The following NELL1 variants were observed in gnomAD, a reference collection of about 807,000 sequenced individuals.
NELL1 encodes the protein neural EGFL like 1.
A neutral mutation model predicts 107.4 loss-of-function variants in NELL1; 76 were observed. The ratio of observed to expected loss-of-function variants is 0.71; its 90% CI spans 0.59 to 0.86. The LOEUF (loss-of-function observed/expected upper bound fraction) is 0.86, where lower values mean the gene tolerates loss of function less well. NELL1 is among the 40% of genes least tolerant of loss of function. The probability of loss-of-function intolerance (pLI) is 0.00; values close to 1 mark genes in which losing one functional copy is unlikely to be tolerated. For missense variants in NELL1, 1,024 were observed against 1,005.5 expected (o/e 1.02, Z -0.25); for synonymous variants, 353 against 341.2 (o/e 1.03, Z -0.38).
intron 15 of NELL1, among the ~76,000 whole-genome samples, chr11:21,523,331 G>A (rs75495935): frequency 0.034 from 5,236 of 152,130 alleles, 302 homozygotes; most frequent in African/African-American, 0.12. Flanking sequence ...GCCTTTAAGT[G>A]TTTAATAAAT....
At chr11:21,044,344 A>G (rs1425864234) in intron 12 of NELL1, among the ~76,000 whole-genome samples, 2 of 152,194 alleles carry the variant, frequency 1.3e-5, no homozygotes, top group African/African-American at 2.4e-5. Context: ...AGCAGTTTTC[A>G]TAGGAGTGGT....
At chr11:21,226,805 T>A (rs1446707016) in intron 13 of NELL1, among the ~76,000 whole-genome samples, 1 of 152,134 alleles carries the variant, frequency 6.6e-6, no homozygotes, top group African/African-American at 2.4e-5. Flanking sequence ...AGAGAAAAAG[T>A]GTGTAAGCCT....
At chr11:21,052,075 T>C (rs1343767977) in intron 12 of NELL1, among the ~76,000 whole-genome samples, 2 of 151,880 alleles carry the variant, frequency 1.3e-5, no homozygotes, top group East Asian at 1.9e-4. Flanking sequence ...CAGACCTGCA[T>C]AGAGTGAGTG....
intron 2 of NELL1, among the ~76,000 whole-genome samples, chr11:20,680,598 G>A (rs1465518133): frequency 6.6e-6 from 1 of 152,104 alleles, no homozygotes; most frequent in Non-Finnish European, 1.5e-5. Context: ...GAAGGAAATG[G>A]AAAGAAGAAA....
rs189453696 is a variant in NELL1 at position 21,132,942 on chromosome 11, T to C, written c.1426+19228T>C. Among the ~76,000 whole-genome samples, 53 of 152,282 alleles carry C rather than the reference T, an allele frequency of 3.5e-4. No homozygotes were observed. In the East Asian group the frequency reaches 3.5e-3, roughly 10 times the overall value. On this transcript the variant is annotated intron_variant, in intron 13 of 19. Coordinates refer to ENST00000357134, the MANE Select transcript of NELL1 (RefSeq NM_006157.5). ...GTGAGCAAGGTGAAGAGGAGCTTTA[T>C]TGAGTGACAGAACAGCTCTCAGGAG...
intron 13 of NELL1, among the ~76,000 whole-genome samples, chr11:21,134,825 T>C (rs1188936140): frequency 6.6e-6 from 1 of 152,180 alleles, no homozygotes; most frequent in Non-Finnish European, 1.5e-5. Context: ...TATGACTGAA[T>C]AGCATTTCGG....
rs1431850331 is a variant in NELL1 at position 20,783,748 on chromosome 11, A to G, written c.253A>G (p.Ser85Gly). The change falls in exon 3 of 20, where the codon AGT becomes GGT. Residue 85 changes from serine (S) to glycine (G), a missense_variant. Physicochemically the swap from Ser to Gly is moderately conservative, Grantham distance 56. Coordinates refer to ENST00000357134, the MANE Select transcript of NELL1 (RefSeq NM_006157.5). ...EKLIQLFRNK[S>G]EFTILATVQQ... Reference sequence around the variant, plus strand: ...ATTAATTCAGCTGTTCCGGAACAAGAGTGAATTCACCATTTTGGCCACTGT... The same window carrying G: ...ATTAATTCAGCTGTTCCGGAACAAGGGTGAATTCACCATTTTGGCCACTGT... The G allele has an allele frequency of 6.2e-7, 1 of 1,613,860 alleles. No homozygotes were observed. Among genetic ancestry groups the G allele is most frequent in the African/African-American group, 1.3e-5 (1 of 74,918 alleles).
chr11:21,030,032 G>T (rs960930134), intron 12 of NELL1, among the ~76,000 whole-genome samples: 1 of 152,178 alleles, frequency 6.6e-6, no homozygotes, highest in Admixed American at 6.5e-5. Context: ...TGAAGTGATT[G>T]GAAGCTCATC....
rs183932364 is a variant in NELL1 at position 21,503,421 on chromosome 11, T to C, written c.1646-30953T>C. 1.9e-4 allele frequency among the ~76,000 whole-genome samples: 29 copies of C among 152,310 alleles called. No individual in the cohort carries two copies. The East Asian group carries it at 5.6e-3, about 29-fold the overall frequency. ...AAAAATCAAATAAGCCAAATGTGTT[T>C]CTCATTAAATAAAAGAACCAAGAAT... On this transcript the variant is annotated intron_variant, in intron 15 of 19. Transcript: ENST00000357134.
rs150966404 is a variant in NELL1, at chr11:21,478,473, C to G, written c.1646-55901C>G. 4.6e-5 allele frequency among the ~76,000 whole-genome samples: 7 copies of G among 152,172 alleles called. No homozygotes were observed. The East Asian group carries it at 1.4e-3, about 29-fold the overall frequency. On this transcript the variant is annotated intron_variant, in intron 15 of 19. Transcript: ENST00000357134. ...TTTAAGTACAAAGTCTCATTGGAGA[C>G]AAGGCAAGTCCCTTCTCCCTGGGAG... is the stretch of plus-strand genomic sequence containing the variant.
chr11:21,511,001 G>C (rs1005553271), intron 15 of NELL1, among the ~76,000 whole-genome samples: 1 of 152,118 alleles, frequency 6.6e-6, no homozygotes, highest in African/African-American at 2.4e-5. Flanking sequence ...TTTTGGTCAG[G>C]TTCAAACTTC....
At chr11:21,316,898 T>A (rs1045246746) in intron 14 of NELL1, among the ~76,000 whole-genome samples, 1 of 152,066 alleles carries the variant, frequency 6.6e-6, no homozygotes, top group Non-Finnish European at 1.5e-5. Context: ...AAACGATTCA[T>A]AAGCACAAAG....
chr11:21,205,561 G>A (rs1325955499), intron 13 of NELL1, among the ~76,000 whole-genome samples: 1 of 152,202 alleles, frequency 6.6e-6, no homozygotes, highest in Non-Finnish European at 1.5e-5. Context: ...TGGGCTCTGT[G>A]AGGGTGGGAT....
At chr11:21,147,377 C>G (rs1003824478) in intron 13 of NELL1, among the ~76,000 whole-genome samples, 7 of 152,052 alleles carry the variant, frequency 4.6e-5, no homozygotes, top group Non-Finnish European at 8.8e-5. Context: ...CGAATAAATA[C>G]TTCTGGGAAT....
At chr11:21,152,140 C>T (rs777858717) in intron 13 of NELL1, among the ~76,000 whole-genome samples, 4 of 152,110 alleles carry the variant, frequency 2.6e-5, no homozygotes, top group Admixed American at 6.5e-5. Context: ...TGTCACAGTT[C>T]GGTATGTTTT....
intron 3 of NELL1, among the ~76,000 whole-genome samples, chr11:20,826,037 G>A (rs1307316053): frequency 6.6e-6 from 1 of 151,298 alleles, no homozygotes; most frequent in Non-Finnish European, 1.5e-5. Context: ...TCCCCACTTT[G>A]CTCTGCACTT....
intron 10 of NELL1, among the ~76,000 whole-genome samples, chr11:20,940,206 T>C (rs1408353969): frequency 4.6e-5 from 7 of 151,870 alleles, no homozygotes; most frequent in African/African-American, 1.5e-4. Context: ...TCTCTCTCTC[T>C]CTGTATGTGT....
At chr11:20,863,107 C>G (rs940325997) in intron 4 of NELL1, among the ~76,000 whole-genome samples, 1 of 152,206 alleles carries the variant, frequency 6.6e-6, no homozygotes, top group Admixed American at 6.5e-5. Flanking sequence ...TCTCAGTGAG[C>G]TGTTGGGTAC....
chr11:21,326,287 T>G (rs1220298595), intron 14 of NELL1, among the ~76,000 whole-genome samples: 1 of 151,600 alleles, frequency 6.6e-6, no homozygotes, highest in Non-Finnish European at 1.5e-5. Context: ...ATTGGCTGTA[T>G]GTCTTCTTTT....
Sources: allele counts gnomAD v4.1 joint callset (sites outside exome capture counted in the v4.1 genomes callset), GRCh38; gene constraint gnomAD v4.1.1; transcripts MANE v1.5; gene names NCBI Gene and HGNC (gene_info 2026-07-23, HGNC 2026-07-21).